The following SLC2A14 variants were observed in gnomAD, a reference collection of about 807,000 sequenced individuals.
SLC2A14 encodes the protein solute carrier family 2 member 14.
Under a neutral mutation model 43.0 loss-of-function variants are expected in SLC2A14, and 13 were observed. The observed-to-expected ratio is 0.30, with a 90% CI of 0.20 to 0.48. The LOEUF is 0.48. Among genes scored for constraint, SLC2A14 ranks in the 20% least tolerant of loss-of-function variants. The pLI is 0.99. For missense variants in SLC2A14, 428 were observed against 620.4 expected (o/e 0.69, Z 3.29); for synonymous variants, 190 against 233.8 (o/e 0.81, Z 1.71).
chr12:7,827,802 A>C, intron 6 of SLC2A14, 120 bp from the exon 7 acceptor site: 1 of 1,511,046 alleles, frequency 6.6e-7, no homozygotes, highest in Non-Finnish European at 8.9e-7. Flanking sequence ...TCCATTCCTG[A>C]ACCTGCCCTC....
Position 7,888,809 on chromosome 12 carries a change from A to AAAG in SLC2A14, c.132+2186_132+2187insCTT, listed in dbSNP as rs1555151769. On this transcript the variant is annotated intron_variant, in intron 1 of 9. Transcript: ENST00000539924. ...CAAGACTCCGTCTCAAAAAAAAAAA[A>AAAG]AAAAAAGAAAAAAGGAATATCAGGA... Among the ~76,000 whole-genome samples, 449 of 147,720 alleles carry AAAG rather than the reference A, an allele frequency of 3.0e-3. 12 individuals are homozygous for AAAG. Among genetic ancestry groups the AAAG allele is most frequent in the African/African-American group, 0.01 (422 of 40,956 alleles).
intron 1 of SLC2A14, among the ~76,000 whole-genome samples, chr12:7,880,623 T>G (rs1945550741): frequency 7.1e-6 from 1 of 141,702 alleles, no homozygotes; most frequent in Non-Finnish European, 1.5e-5. Context: ...GGTCAGGAGA[T>G]CGAGACCATC....
intron 1 of SLC2A14, among the ~76,000 whole-genome samples, chr12:7,885,282 T>C (rs1945669475): frequency 6.6e-6 from 1 of 152,100 alleles, no homozygotes; most frequent in Non-Finnish European, 1.5e-5. Context: ...CTGGCCAACA[T>C]GGCAAAACCC....
Position 7,870,004 on chromosome 12 carries a change from G to C in SLC2A14, c.-57-67C>G, listed in dbSNP as rs1240160788. 4 of 982,678 alleles carry C rather than the reference G, an allele frequency of 4.1e-6. No individual in the cohort carries two copies. In the East Asian group the frequency reaches 1.1e-4, roughly 26 times the overall value. The allele number at this position is 982,678 out of a possible 1,614,324, so 60.9% of individuals were successfully genotyped here. A position where few individuals can be genotyped will look rare whatever the true frequency, so the allele number is the denominator to read the frequency against. On this transcript the variant is annotated intron_variant, in intron 1 of 10. Transcript: ENST00000431042. ...CTTAAGCTCCTTGAGGGAAGAGGCTGTGATTTAGCCCCCTCGCCAATGGAC... is the reference window on the plus strand; with the variant it reads ...CTTAAGCTCCTTGAGGGAAGAGGCTCTGATTTAGCCCCCTCGCCAATGGAC...
chr12:7,886,866 C>T (rs144185925), intron 1 of SLC2A14, among the ~76,000 whole-genome samples: 1 of 151,626 alleles, frequency 6.6e-6, no homozygotes, highest in East Asian at 1.9e-4. Context: ...TTACAAAACC[C>T]TAGTTCTCAT....
chr12:7,872,907 C>T lies in SLC2A14; in HGVS notation c.-158G>A. On this transcript the variant is annotated 5_prime_UTR_variant, in exon 1 of 11. Coordinates refer to ENST00000431042, the MANE Select transcript of SLC2A14 (RefSeq NM_001286234.2). ...CCGGCCCCGCCTGCAGCCGTTGGGA[C>T]CCACTAACTGCCTCGAAAAGCCTAG... The T allele has an allele frequency of 1.0e-6, 1 of 985,530 alleles. No individual in the cohort carries two copies. The highest frequency in any genetic ancestry group is 1.7e-5 in the African/African-American group (1 of 57,356). The allele number at this position is 985,530 out of a possible 1,614,324, so 61.0% of individuals were successfully genotyped here. A position where few individuals can be genotyped will look rare whatever the true frequency, so the allele number is the denominator to read the frequency against.
rs1000841083 is a variant in SLC2A14 at position 7,837,906 on chromosome 12, C to T, written c.19-5092G>A. On this transcript the variant is annotated intron_variant, in intron 2 of 10. Transcript: ENST00000431042. ...CCAAATAGCTGGGACTACAGGTGCA[C>T]GCCACCACGCCTGGTTAATTGTTGT... Among the ~76,000 whole-genome samples the T allele has an allele frequency of 2.3e-4, 35 of 150,926 alleles. 1 individual carries two copies. Among genetic ancestry groups the T allele is most frequent in the Non-Finnish European group, 1.0e-4 (7 of 67,742 alleles).
intron 2 of SLC2A14, among the ~76,000 whole-genome samples, chr12:7,837,393 T>G (rs1865543046): frequency 6.6e-6 from 1 of 152,014 alleles, no homozygotes; most frequent in Non-Finnish European, 1.5e-5. Flanking sequence ...ACACTTGTAA[T>G]CTTTGGGAGG....
chr12:7,864,818 G>A (rs2121024417), intron 2 of SLC2A14, among the ~76,000 whole-genome samples: 1 of 152,096 alleles, frequency 6.6e-6, no homozygotes, highest in East Asian at 1.9e-4. Flanking sequence ...GCTCTAATCA[G>A]ATAAGCCTCC....
chr12:7,838,182 C>T (rs763217907), intron 2 of SLC2A14, among the ~76,000 whole-genome samples: 1 of 151,822 alleles, frequency 6.6e-6, no homozygotes, highest in Non-Finnish European at 1.5e-5. Context: ...CCACCTCCCA[C>T]GTTCAAGTGA....
At chr12:7,828,583 C>A in intron 6 of SLC2A14, 121 bp downstream of exon 6, 1 of 1,081,988 alleles carries the variant, frequency 9.2e-7, no homozygotes, top group Non-Finnish European at 1.3e-6. Context: ...TAATCAGAAC[C>A]ATCTTCACTT....
Position 7,886,912 on chromosome 12 carries a change from C to CTT in SLC2A14, c.132+4082_132+4083dup, listed in dbSNP as rs11442108. On this transcript the variant is annotated intron_variant, in intron 1 of 9. Coordinates refer to the SLC2A14 transcript ENST00000539924. Reference sequence around the variant, plus strand: ...TCCTTCATCAACAAATAATGATTTTCTTTTTTTTTTTTTTTTTGAGACTGA... The same window carrying CTT: ...TCCTTCATCAACAAATAATGATTTTCTTTTTTTTTTTTTTTTTTTGAGACTGA... Among the ~76,000 whole-genome samples, 346 of 131,862 alleles carry CTT rather than the reference C, an allele frequency of 2.6e-3. 4 individuals are homozygous for CTT. The highest frequency in any genetic ancestry group is 6.1e-3 in the African/African-American group (215 of 34,984). The allele number at this position is 131,862 out of a possible 152,430, so 86.5% of individuals were successfully genotyped here.
chr12:7,871,391 G>T, intron 1 of SLC2A14: 1 of 326,376 alleles, frequency 3.1e-6, no homozygotes. Context: ...CCCAGCCCTC[G>T]CGACACCCTG....
At chr12:7,838,392 T>A (rs1257026469) in intron 2 of SLC2A14, among the ~76,000 whole-genome samples, 1 of 152,128 alleles carries the variant, frequency 6.6e-6, no homozygotes, top group Non-Finnish European at 1.5e-5. Flanking sequence ...GGTCCACAAT[T>A]TTTTTTAAAA....
At chr12:7,880,094 G>A (rs914806976) in intron 1 of SLC2A14, among the ~76,000 whole-genome samples, 1 of 151,086 alleles carries the variant, frequency 6.6e-6, no homozygotes, top group African/African-American at 2.4e-5. Flanking sequence ...CCTGAGGTTG[G>A]GAGTTCAAGC....
chr12:7,854,101 G>T (rs1015042645), intron 2 of SLC2A14, among the ~76,000 whole-genome samples: 3 of 152,040 alleles, frequency 2.0e-5, no homozygotes, highest in Admixed American at 2.0e-4. Context: ...GAAGTGATTA[G>T]AGTCATATAT....
intron 1 of SLC2A14, chr12:7,890,660 A>G (rs912329033): frequency 6.0e-6 from 1 of 166,156 alleles, no homozygotes; most frequent in African/African-American, 2.4e-5. Flanking sequence ...AGAACATAGT[A>G]AGTTGGCCTT....
At position 7,813,781 on chromosome 12, in the gene SLC2A14, T is replaced by G; in HGVS notation, c.*535A>C. The stretch of plus-strand genomic sequence containing the variant: ...TAATCTCAATTTCCTTCTGTTTTTA[T>G]TATTTGGCAAAATTACACTTAAAAA... On this transcript the variant is annotated 3_prime_UTR_variant, in exon 11 of 11. Transcript: ENST00000431042. The G allele has an allele frequency of 6.4e-6, 1 of 156,704 alleles. No homozygotes were observed. Among genetic ancestry groups the G allele is most frequent in the Non-Finnish European group, 1.4e-5 (1 of 70,250 alleles). 9.7% of individuals were successfully genotyped at this position (156,704 alleles called of 1,614,324 possible).
intron 7 of SLC2A14, among the ~76,000 whole-genome samples, chr12:7,822,855 T>C (rs972696549): frequency 6.6e-6 from 1 of 152,102 alleles, no homozygotes; most frequent in African/African-American, 2.4e-5. Flanking sequence ...AAATGCTTTT[T>C]TAATTGACTC....
Sources: allele counts gnomAD v4.1 joint callset (sites outside exome capture counted in the v4.1 genomes callset), GRCh38; gene constraint gnomAD v4.1.1; transcripts MANE v1.5; gene names NCBI Gene and HGNC (gene_info 2026-07-23, HGNC 2026-07-21).